Variants in NRXN3 observed in about 807,000 individuals in gnomAD.
NRXN3 encodes the protein neurexin 3.
NRXN3 carries 32 observed loss-of-function variants against 137.6 expected under a neutral mutation model. The observed-to-expected ratio is 0.23, with a 90% CI of 0.18 to 0.31. NRXN3 has a LOEUF of 0.31. Ranked by LOEUF, NRXN3 falls within the 10% of genes least tolerant of loss-of-function variation. The pLI, the probability that NRXN3 is intolerant of heterozygous loss-of-function variation, is 1.00. For synonymous variants in NRXN3, 798 were observed against 784.5 expected, an observed-to-expected ratio of 1.02 and a Z score of -0.29; for missense variants, 1,574 against 2,062.5, an observed-to-expected ratio of 0.76 and a Z score of 4.59.
At chr14:79,326,883 G>A (rs2090961704) in intron 15 of NRXN3, among the ~76,000 whole-genome samples, 1 of 152,062 alleles carries the variant, frequency 6.6e-6, no homozygotes, top group Non-Finnish European at 1.5e-5. Flanking sequence ...TTTACAAACT[G>A]GTCCTCTCTC....
chr14:79,785,513 A>C (rs571961706), intron 19 of NRXN3, among the ~76,000 whole-genome samples: 1 of 152,158 alleles, frequency 6.6e-6, no homozygotes, highest in East Asian at 1.9e-4. Flanking sequence ...TTAATATCCT[A>C]TTTATTATTC....
chr14:78,695,980 G>A (rs573841042), intron 6 of NRXN3, among the ~76,000 whole-genome samples: 2 of 152,124 alleles, frequency 1.3e-5, no homozygotes, highest in Non-Finnish European at 2.9e-5. Flanking sequence ...TATAATCTAA[G>A]GGGGATATGG....
intron 10 of NRXN3, among the ~76,000 whole-genome samples, chr14:78,889,137 T>C (rs977625407): frequency 3.9e-4 from 60 of 152,146 alleles, no homozygotes; most frequent in African/African-American, 1.4e-3. Context: ...TTAATTGTTG[T>C]CACTTTTAGA....
chr14:79,118,202 C>A (rs1292900748), intron 15 of NRXN3, among the ~76,000 whole-genome samples: 1 of 150,662 alleles, frequency 6.6e-6, no homozygotes, highest in Non-Finnish European at 1.5e-5. Flanking sequence ...CAAAAGCATG[C>A]CCTTATCTAT....
At chr14:79,850,241 G>A (rs4598837) in intron 20 of NRXN3, among the ~76,000 whole-genome samples, 1 of 152,164 alleles carries the variant, frequency 6.6e-6, no homozygotes, top group Admixed American at 6.5e-5. Flanking sequence ...GTTGCACGAA[G>A]ACTGTTGAGA....
chr14:78,675,504 C>T (rs2097993898), intron 6 of NRXN3, among the ~76,000 whole-genome samples: 1 of 152,156 alleles, frequency 6.6e-6, no homozygotes, highest in Non-Finnish European at 1.5e-5. Context: ...TTCAGCAGTT[C>T]TGGAGTAGCT....
At chr14:79,049,452 C>T (rs1189871477) in intron 15 of NRXN3, among the ~76,000 whole-genome samples, 1 of 152,082 alleles carries the variant, frequency 6.6e-6, no homozygotes, top group Non-Finnish European at 1.5e-5. Context: ...CTATTTCCAC[C>T]ACATCTGCAG....
chr14:78,916,102 T>A (rs2099254658), intron 10 of NRXN3, among the ~76,000 whole-genome samples: 1 of 151,948 alleles, frequency 6.6e-6, no homozygotes, highest in Non-Finnish European at 1.5e-5. Flanking sequence ...GCTCAAAAAT[T>A]GTGATAGCCT....
chr14:78,395,964 G>A (rs1282084747), intron 4 of NRXN3, among the ~76,000 whole-genome samples: 1 of 151,732 alleles, frequency 6.6e-6, no homozygotes, highest in African/African-American at 2.4e-5. Context: ...TACATATTTA[G>A]ACTCTTTATA....
intron 15 of NRXN3, among the ~76,000 whole-genome samples, chr14:79,033,665 C>A (rs972009320): frequency 1.3e-5 from 2 of 151,946 alleles, no homozygotes; most frequent in Non-Finnish European, 2.9e-5. Flanking sequence ...TGAAACCTGT[C>A]GTTAGTAATA....
intron 16 of NRXN3, among the ~76,000 whole-genome samples, chr14:79,630,452 T>A (rs1012855172): frequency 1.3e-5 from 2 of 152,200 alleles, no homozygotes; most frequent in Non-Finnish European, 2.9e-5. Context: ...GATTTTGGAA[T>A]CTTAACTGTT....
At chr14:78,618,637 C>A (rs577721815) in intron 4 of NRXN3, among the ~76,000 whole-genome samples, 1 of 152,324 alleles carries the variant, frequency 6.6e-6, no homozygotes, top group East Asian at 1.9e-4. Flanking sequence ...CCCAGGAGAA[C>A]AAACCTTAGC....
chr14:78,243,864 T>C lies in NRXN3; in HGVS notation c.709+62T>C. 1 of 1,282,024 alleles carries C rather than the reference T, an allele frequency of 7.8e-7. No individual in the cohort carries two copies. The highest frequency in any genetic ancestry group is 1.1e-6 in the Non-Finnish European group (1 of 929,282). 79.4% of individuals were successfully genotyped at this position (1,282,024 alleles called of 1,614,324 possible). The stretch of plus-strand genomic sequence containing the variant: ...ACGGGATGGCTGAGGCTGGGGCTCC[T>C]GATACAAACCAGTTCTATATGGATG... On this transcript the variant is annotated intron_variant, in intron 2 of 20. Coordinates refer to ENST00000335750, the MANE Select transcript of NRXN3 (RefSeq NM_001330195.2). The surrounding 1 kb of genome is among the most constrained non-coding windows in gnomAD (Gnocchi z 4.2).
intron 16 of NRXN3, among the ~76,000 whole-genome samples, chr14:79,533,735 C>T (rs561622578): frequency 2.4e-4 from 36 of 152,048 alleles, no homozygotes; most frequent in Non-Finnish European, 4.6e-4. Context: ...TTTGTTGCAT[C>T]GACAATAATA....
At chr14:78,277,193 G>T (rs1302374882) in intron 2 of NRXN3, among the ~76,000 whole-genome samples, 2 of 152,170 alleles carry the variant, frequency 1.3e-5, no homozygotes, top group Non-Finnish European at 2.9e-5. Context: ...AGGGCCCTAA[G>T]GACACACTGG....
At chr14:78,833,749 G>A (rs2098988685) in intron 10 of NRXN3, among the ~76,000 whole-genome samples, 1 of 152,022 alleles carries the variant, frequency 6.6e-6, no homozygotes, top group East Asian at 1.9e-4. Flanking sequence ...GGTGTTCCAG[G>A]CACTGTGGTT....
intron 17 of NRXN3, among the ~76,000 whole-genome samples, chr14:79,669,363 A>G (rs2098593233): frequency 6.6e-6 from 1 of 152,132 alleles, no homozygotes; most frequent in Non-Finnish European, 1.5e-5. Context: ...AAACCATCTT[A>G]TAAAGAAGGT....
intron 16 of NRXN3, among the ~76,000 whole-genome samples, chr14:79,471,189 G>A (rs1057171733): frequency 6.6e-6 from 1 of 152,052 alleles, no homozygotes; most frequent in African/African-American, 2.4e-5. Context: ...CTGACCCTGG[G>A]GTAAGCACCC....
At chr14:79,655,893 A>T (rs115045079) in intron 16 of NRXN3, among the ~76,000 whole-genome samples, 1 of 152,148 alleles carries the variant, frequency 6.6e-6, no homozygotes, top group Non-Finnish European at 1.5e-5. Context: ...TTAGCATCTG[A>T]ATCAATCACC....
Sources: gnomAD v4.1 joint callset for allele counts (sites outside exome capture counted in the v4.1 genomes callset) on GRCh38, gnomAD v4.1.1 for gene constraint, Gnocchi (gnomAD v3.1) non-coding constraint, MANE v1.5 for transcripts, NCBI Gene and HGNC (gene_info 2026-07-23, HGNC 2026-07-21) for gene names.